GABRB1: variants seen among roughly 807,000 people sequenced by gnomAD.
GABRB1 encodes gamma-aminobutyric acid receptor subunit beta-1.
In GABRB1, 17 loss-of-function variants were observed where a neutral mutation model predicts 51.6. The ratio of observed to expected loss-of-function variants is 0.33; its 90% CI spans 0.23 to 0.49. The LOEUF is 0.49. Among genes scored for constraint, GABRB1 ranks in the 20% least tolerant of loss-of-function variants. The pLI is 0.99. For missense variants in GABRB1, 410 were observed against 600.6 expected (o/e 0.68, Z 3.32); for synonymous variants, 247 against 218.9 (o/e 1.13, Z -1.14).
chr4:47,231,736 T>C lies in GABRB1; in HGVS notation c.461+70267T>C, dbSNP rs145153528. ...TTACACCATGCCTGGAACACTATAGTGGGTACTCATGCCCACTGTGAAAGC... is the reference window on the plus strand; with the variant it reads ...TTACACCATGCCTGGAACACTATAGCGGGTACTCATGCCCACTGTGAAAGC... On this transcript the variant is annotated intron_variant, in intron 4 of 8. Transcript: ENST00000295454. 1.6e-3 allele frequency among the ~76,000 whole-genome samples: 251 copies of C among 152,302 alleles called. 1 individual carries two copies. Among genetic ancestry groups the C allele is most frequent in the African/African-American group, 5.7e-3 (238 of 41,568 alleles).
intron 1 of GABRB1, among the ~76,000 whole-genome samples, chr4:47,020,435 C>A (rs962128870): frequency 6.6e-6 from 1 of 152,144 alleles, no homozygotes; most frequent in African/African-American, 2.4e-5. Context: ...GCTGCCTACT[C>A]AGAATTCCCA....
intron 3 of GABRB1, among the ~76,000 whole-genome samples, chr4:47,076,708 T>C (rs1220188779): frequency 6.6e-6 from 1 of 152,166 alleles, no homozygotes; most frequent in African/African-American, 2.4e-5. Flanking sequence ...AACTCTGTGG[T>C]GCAATTTGTA....
chr4:47,243,019 G>T (rs1188967486), intron 4 of GABRB1, among the ~76,000 whole-genome samples: 1 of 152,170 alleles, frequency 6.6e-6, no homozygotes, highest in Non-Finnish European at 1.5e-5. Context: ...ATGGTTTTAG[G>T]TCTGACATTT....
At chr4:47,298,922 A>T (rs1307119976) in intron 4 of GABRB1, among the ~76,000 whole-genome samples, 5 of 151,920 alleles carry the variant, frequency 3.3e-5, no homozygotes, top group Admixed American at 2.6e-4. Flanking sequence ...CAGAGCCCTC[A>T]GAAATAACGC....
At chr4:47,069,764 A>G (rs1727239535) in intron 3 of GABRB1, among the ~76,000 whole-genome samples, 1 of 152,050 alleles carries the variant, frequency 6.6e-6, no homozygotes, top group African/African-American at 2.4e-5. Flanking sequence ...GCCATGGTGC[A>G]TTTTTATCTC....
intron 5 of GABRB1, among the ~76,000 whole-genome samples, chr4:47,360,738 C>T (rs1469917809): frequency 6.6e-6 from 1 of 151,908 alleles, no homozygotes; most frequent in East Asian, 1.9e-4. Context: ...AACTACTCTT[C>T]GATTACCATA....
intron 5 of GABRB1, among the ~76,000 whole-genome samples, chr4:47,355,970 C>A (rs1726554783): frequency 6.6e-6 from 1 of 152,074 alleles, no homozygotes; most frequent in Non-Finnish European, 1.5e-5. Flanking sequence ...AGGTTTGTTG[C>A]AAGGATTAAA....
chr4:47,032,072 T>TAAAAAAAAAAAA, intron 2 of GABRB1, 67 bp downstream of exon 2: 2 of 713,210 alleles, frequency 2.8e-6, no homozygotes, highest in Admixed American at 4.3e-5. Context: ...AAGATAAATG[T>TAAAAAAAAAAAA]CAAAAAAAAA....
chr4:47,274,032 C>T (rs1349369541), intron 4 of GABRB1, among the ~76,000 whole-genome samples: 12 of 152,016 alleles, frequency 7.9e-5, no homozygotes, highest in South Asian at 2.1e-4. Context: ...TACATGAATA[C>T]GTATTTTTCT....
intron 3 of GABRB1, among the ~76,000 whole-genome samples, chr4:47,132,420 TG>T (rs781507677): frequency 0.38 from 57,880 of 151,594 alleles, 11,409 homozygotes; most frequent in African/African-American, 0.46. Flanking sequence ...TGGTTTGGTT[TG>T]GTTTGGTTTG....
chr4:47,361,217 C>T (rs987158590), intron 5 of GABRB1, among the ~76,000 whole-genome samples: 3 of 151,954 alleles, frequency 2.0e-5, no homozygotes, highest in South Asian at 2.1e-4. Context: ...TCAAGGAAAC[C>T]GCAATGATGT....
intron 3 of GABRB1, among the ~76,000 whole-genome samples, chr4:47,035,639 C>T (rs777261422): frequency 1.3e-5 from 2 of 152,104 alleles, no homozygotes; most frequent in Non-Finnish European, 2.9e-5. Flanking sequence ...TGCCAAGCCA[C>T]AGACACACAC....
At chr4:47,128,468 A>C (rs1003032879) in intron 3 of GABRB1, among the ~76,000 whole-genome samples, 4 of 151,968 alleles carry the variant, frequency 2.6e-5, no homozygotes, top group African/African-American at 9.7e-5. Flanking sequence ...ACAAATTATT[A>C]ATATCACAGA....
rs1294690788 is a variant in GABRB1, at chr4:47,378,504, A to G, written c.545-24814A>G. ...AGCCAGCCCAGGAAGGGGCTCCCACAGTGCAGCGGTGGGCTGAAGGGCTCC... is the reference window on the plus strand; with the variant it reads ...AGCCAGCCCAGGAAGGGGCTCCCACGGTGCAGCGGTGGGCTGAAGGGCTCC... On this transcript the variant is annotated intron_variant, in intron 5 of 8. Coordinates refer to ENST00000295454, the MANE Select transcript of GABRB1 (RefSeq NM_000812.4). Among the ~76,000 whole-genome samples the G allele has an allele frequency of 5.3e-5, 8 of 152,288 alleles. 1 individual carries two copies. The South Asian group carries it at 6.2e-4, about 12-fold the overall frequency.
intron 4 of GABRB1, among the ~76,000 whole-genome samples, chr4:47,246,716 T>A (rs1250742660): frequency 6.6e-6 from 1 of 151,776 alleles, no homozygotes; most frequent in Admixed American, 6.6e-5. Context: ...TTGATTATGA[T>A]CATTCTCAAA....
intron 5 of GABRB1, among the ~76,000 whole-genome samples, chr4:47,377,260 C>T (rs1052593912): frequency 6.6e-6 from 1 of 152,218 alleles, no homozygotes; most frequent in African/African-American, 2.4e-5. Context: ...TCTCCTGCCT[C>T]AGCCTCCTGA....
Position 47,403,418 on chromosome 4 carries a change from C to T in GABRB1, c.645C>T (p.Asp215=), listed in dbSNP as rs1448391307. 3 of 1,614,046 alleles carry T rather than the reference C, an allele frequency of 1.9e-6. No individual in the cohort carries two copies. Among genetic ancestry groups the T allele is most frequent in the Non-Finnish European group, 2.5e-6 (3 of 1,179,950 alleles). Residue 215 remains aspartate (D), a synonymous_variant, in exon 6 of 9, where the codon GAC becomes GAT. Coordinates refer to ENST00000295454, the MANE Select transcript of GABRB1 (RefSeq NM_000812.4). ...AACTTCCTCAATTTTCAATTGTTGACTACAAGATGGTGTCTAAGAAGGTGG... is the reference window on the plus strand; with the variant it reads ...AACTTCCTCAATTTTCAATTGTTGATTACAAGATGGTGTCTAAGAAGGTGG... ...KIELPQFSIV[D]YKMVSKKVEF...
rs188594663 is a variant in GABRB1 at position 47,379,469 on chromosome 4, G to C, written c.545-23849G>C. Among the ~76,000 whole-genome samples the C allele has an allele frequency of 6.5e-4, 99 of 152,256 alleles. 2 individuals are homozygous for C. The highest frequency in any genetic ancestry group is 2.3e-3 in the African/African-American group (96 of 41,544). On this transcript the variant is annotated intron_variant, in intron 5 of 8. Transcript: ENST00000295454. The stretch of plus-strand genomic sequence containing the variant: ...TGGCCTAACTGTGAACTAATGTAAG[G>C]TTTTTGAACACATTTAAAGTAGGCT...
In GABRB1 at chr4:47,109,910, T is replaced by TA. The variant is rs113953951; in HGVS notation, c.241-51335dup. ...TGTCATTGTGTAAGGCCTTGTGAGTTAAAATGGAACAATCAGAAGCAAGAT... is the reference window on the plus strand; with the variant it reads ...TGTCATTGTGTAAGGCCTTGTGAGTTAAAAATGGAACAATCAGAAGCAAGAT... On this transcript the variant is annotated intron_variant, in intron 3 of 8. Transcript: ENST00000295454. 8.2e-3 allele frequency among the ~76,000 whole-genome samples: 1,243 copies of TA among 152,160 alleles called. 12 individuals carry two copies. Among genetic ancestry groups the TA allele is most frequent in the African/African-American group, 0.028 (1,166 of 41,512 alleles).
Sources: allele counts gnomAD v4.1 joint callset (sites outside exome capture counted in the v4.1 genomes callset), GRCh38; gene constraint gnomAD v4.1.1; transcripts MANE v1.5; gene names NCBI Gene and HGNC (gene_info 2026-07-23, HGNC 2026-07-21).